The following CLEC16A variants were observed in gnomAD, a reference collection of about 807,000 sequenced individuals.
The protein encoded by CLEC16A is C-type lectin domain containing 16A.
Under a neutral mutation model 109.5 loss-of-function variants are expected in CLEC16A, and 51 were observed. The observed-to-expected ratio is 0.47, with a 90% confidence interval of 0.37 to 0.59. The LOEUF (loss-of-function observed/expected upper bound fraction) is 0.59. Ranked by LOEUF, CLEC16A falls within the 20% of genes least tolerant of loss-of-function variation. The pLI, the probability that CLEC16A is intolerant of heterozygous loss-of-function variation, is 0.00. For synonymous variants in CLEC16A, 673 were observed against 564.2 expected, an observed-to-expected ratio of 1.19 and a Z score of -2.73; for missense variants, 1,339 against 1,394.0, an observed-to-expected ratio of 0.96 and a Z score of 0.63.
chr16:11,126,084 G>A lies in CLEC16A; in HGVS notation c.2579G>A (p.Arg860His), dbSNP rs771016480. ...HLPFRFYDQG[R>H]RGSSDPTVQR... ...CCTTTCCGCTTCTACGACCAGGGGC[G>A]CCGGGGCAGCAGCGACCCCACAGTG... The change falls in exon 22 of 24, where the codon CGC (arginine) becomes CAC (histidine). Residue 860 changes from arginine to histidine, a missense_variant. Arg to His is a conservative substitution (Grantham distance 29). Transcript: ENST00000409790. 32 of 1,613,712 alleles carry A rather than the reference G, an allele frequency of 2.0e-5. No homozygotes were observed. Among genetic ancestry groups the A allele is most frequent in the East Asian group, 2.2e-5 (1 of 44,878 alleles).
At chr16:11,032,009 A>G (rs910347987) in intron 13 of CLEC16A, among the ~76,000 whole-genome samples, 2 of 152,252 alleles carry the variant, frequency 1.3e-5, no homozygotes, top group African/African-American at 2.4e-5. Context: ...CCCTTGCCCA[A>G]GAAAGCATCA....
intron 22 of CLEC16A, among the ~76,000 whole-genome samples, chr16:11,155,887 G>A (rs78074071): frequency 3.0e-4 from 46 of 152,280 alleles, no homozygotes; most frequent in African/African-American, 9.6e-4. Context: ...ATGTGTCAAC[G>A]GCAGGTGCCT....
At chr16:10,983,013 T>C in intron 10 of CLEC16A, 22 bp downstream of exon 10, 1 of 1,315,346 alleles carries the variant, frequency 7.6e-7, no homozygotes. Flanking sequence ...GCTTCGGGAC[T>C]GACCTTAACA....
At chr16:11,008,274 G>A (rs1473308826) in intron 11 of CLEC16A, among the ~76,000 whole-genome samples, 1 of 152,166 alleles carries the variant, frequency 6.6e-6, no homozygotes, top group South Asian at 2.1e-4. Context: ...GGAACACAGA[G>A]GGCAACTGAG....
chr16:11,142,737 T>A (rs911576738), intron 22 of CLEC16A, among the ~76,000 whole-genome samples: 4 of 152,252 alleles, frequency 2.6e-5, no homozygotes, highest in African/African-American at 7.2e-5. Flanking sequence ...TAGCTTATTG[T>A]CTTCATGGAT....
At chr16:10,973,396 G>A (rs771377335) in intron 7 of CLEC16A, among the ~76,000 whole-genome samples, 1 of 152,150 alleles carries the variant, frequency 6.6e-6, no homozygotes, top group Admixed American at 6.5e-5. Context: ...AGTGTTTGGC[G>A]ATAAAAAGGA....
chr16:10,975,305 G>T (rs1162638619), intron 7 of CLEC16A, among the ~76,000 whole-genome samples: 2 of 152,104 alleles, frequency 1.3e-5, no homozygotes, highest in Non-Finnish European at 2.9e-5. Context: ...CTCCAGCCTG[G>T]GTGACAGAGC....
At chr16:10,970,344 C>T (rs1172428264) in intron 4 of CLEC16A, among the ~76,000 whole-genome samples, 2 of 152,330 alleles carry the variant, frequency 1.3e-5, no homozygotes, top group East Asian at 3.9e-4. Flanking sequence ...GCCTTCCCCT[C>T]ATGTTTCCCT....
intron 17 of CLEC16A, 114 bp from the exon 18 acceptor site, chr16:11,051,399 C>A: frequency 1.9e-6 from 2 of 1,062,392 alleles, no homozygotes; most frequent in East Asian, 2.4e-5. Flanking sequence ...TTAGATCACT[C>A]ATTTACATTT....
intron 18 of CLEC16A, among the ~76,000 whole-genome samples, chr16:11,060,540 T>C (rs1597244806): frequency 6.6e-6 from 1 of 152,314 alleles, no homozygotes; most frequent in East Asian, 1.9e-4. Flanking sequence ...GCAGGTCACT[T>C]CACCTTCTTA....
intron 13 of CLEC16A, among the ~76,000 whole-genome samples, chr16:11,035,673 C>T (rs186505017): frequency 2.6e-5 from 4 of 152,326 alleles, no homozygotes; most frequent in Admixed American, 1.3e-4. Flanking sequence ...AAGCATTCTA[C>T]GTCATATGCC....
At chr16:10,952,726 A>C (rs1224372978) in intron 1 of CLEC16A, among the ~76,000 whole-genome samples, 1 of 152,222 alleles carries the variant, frequency 6.6e-6, no homozygotes, top group East Asian at 1.9e-4. Flanking sequence ...AGCAAGGTGA[A>C]GGTGTAACCC....
At chr16:11,092,065 C>T (rs2050333777) in intron 19 of CLEC16A, among the ~76,000 whole-genome samples, 1 of 152,120 alleles carries the variant, frequency 6.6e-6, no homozygotes, top group South Asian at 2.1e-4. Flanking sequence ...CACACTTAGG[C>T]CAAGCACAGT....
intron 3 of CLEC16A, among the ~76,000 whole-genome samples, chr16:10,966,503 A>G (rs1023404588): frequency 6.6e-6 from 1 of 152,186 alleles, no homozygotes; most frequent in Non-Finnish European, 1.5e-5. Flanking sequence ...ATATGTAAAA[A>G]TTCATCATGC....
chr16:10,992,482 T>C (rs1425112750), intron 10 of CLEC16A, among the ~76,000 whole-genome samples: 3 of 142,102 alleles, frequency 2.1e-5, no homozygotes, highest in Non-Finnish European at 4.7e-5. Flanking sequence ...CGTACACATA[T>C]ATTAAAACAT....
At chr16:10,995,474 G>A (rs1366088301) in intron 10 of CLEC16A, among the ~76,000 whole-genome samples, 4 of 152,332 alleles carry the variant, frequency 2.6e-5, no homozygotes, top group South Asian at 4.1e-4. Context: ...GAAGGCCAGC[G>A]AGCAGTAAGT....
intron 22 of CLEC16A, among the ~76,000 whole-genome samples, chr16:11,162,549 T>C (rs746100889): frequency 2.0e-5 from 3 of 152,232 alleles, no homozygotes; most frequent in Non-Finnish European, 4.4e-5. Flanking sequence ...CTGTGTCAGC[T>C]TCAAATCTCC....
At chr16:11,134,419 C>A (rs1179110215) in intron 22 of CLEC16A, among the ~76,000 whole-genome samples, 3 of 152,252 alleles carry the variant, frequency 2.0e-5, no homozygotes, top group Admixed American at 1.3e-4. Context: ...CTTGCTCTGC[C>A]TCACAGATAG....
intron 23 of CLEC16A, among the ~76,000 whole-genome samples, chr16:11,171,934 TCA>T (rs1038615400): frequency 2.6e-4 from 33 of 126,932 alleles, no homozygotes; most frequent in African/African-American, 1.0e-3. Context: ...ACATACACAC[TCA>T]CACATACAAG....
Sources: gnomAD v4.1 joint callset for allele counts (sites outside exome capture counted in the v4.1 genomes callset) on GRCh38, gnomAD v4.1.1 for gene constraint, MANE v1.5 for transcripts, NCBI Gene and HGNC (gene_info 2026-07-23, HGNC 2026-07-21) for gene names.